Variants in ASTN1 observed in about 807,000 individuals in gnomAD.
ASTN1 encodes the protein astrotactin 1.
A neutral mutation model predicts 140.7 loss-of-function variants in ASTN1; 41 were observed. The observed-to-expected ratio is 0.29, with a 90% CI of 0.23 to 0.38. The LOEUF (loss-of-function observed/expected upper bound fraction) is 0.38, where lower values mean the gene tolerates loss of function less well. Among genes scored for constraint, ASTN1 ranks in the 10% least tolerant of loss-of-function variants. The pLI is 1.00. For synonymous variants in ASTN1, 640 were observed against 652.2 expected (o/e 0.98, Z 0.29); for missense variants, 1,479 against 1,678.8 (o/e 0.88, Z 2.08).
chr1:177,141,627 A>G (rs998287325), intron 1 of ASTN1, among the ~76,000 whole-genome samples: 2 of 152,194 alleles, frequency 1.3e-5, no homozygotes, highest in East Asian at 1.9e-4. Flanking sequence ...ATTTGGAGAC[A>G]TAAGTTTAGT....
chr1:176,933,415 A>T (rs1671291525), intron 16 of ASTN1, among the ~76,000 whole-genome samples: 1 of 152,242 alleles, frequency 6.6e-6, no homozygotes, highest in Non-Finnish European at 1.5e-5. Context: ...TGGCCTCATC[A>T]GAATGCCATG....
At chr1:176,893,897 G>C (rs943536544) in intron 17 of ASTN1, among the ~76,000 whole-genome samples, 1 of 152,204 alleles carries the variant, frequency 6.6e-6, no homozygotes, top group Non-Finnish European at 1.5e-5. Flanking sequence ...CAGTTCTCCA[G>C]CCCTTCTTTT....
At chr1:176,961,853 G>A (rs1168131346) in intron 9 of ASTN1, among the ~76,000 whole-genome samples, 7 of 152,058 alleles carry the variant, frequency 4.6e-5, no homozygotes, top group East Asian at 1.9e-4. Flanking sequence ...TTCCCAACTC[G>A]GGCCTTCTCT....
At chr1:177,038,134 C>A (rs896757497) in intron 2 of ASTN1, among the ~76,000 whole-genome samples, 2 of 152,168 alleles carry the variant, frequency 1.3e-5, no homozygotes, top group African/African-American at 4.8e-5. Context: ...ATTATCTGAC[C>A]TGTATATTCA....
intron 21 of ASTN1, among the ~76,000 whole-genome samples, chr1:176,875,487 T>G (rs774098941): frequency 2.0e-5 from 3 of 152,238 alleles, no homozygotes; most frequent in Non-Finnish European, 4.4e-5. Context: ...AGATTAAAGA[T>G]GAAAATCTTT....
At chr1:177,099,785 A>C (rs1011931313) in intron 1 of ASTN1, among the ~76,000 whole-genome samples, 6 of 152,202 alleles carry the variant, frequency 3.9e-5, no homozygotes, top group African/African-American at 1.4e-4. Context: ...CATCTTGTTT[A>C]TCTAAGAAGG....
intron 21 of ASTN1, among the ~76,000 whole-genome samples, chr1:176,875,799 GA>G (rs2103018894): frequency 6.6e-6 from 1 of 152,336 alleles, no homozygotes; most frequent in Non-Finnish European, 1.5e-5. Context: ...ATTAGTGGTT[GA>G]TAAGATTACT....
At chr1:177,007,470 T>C (rs960545530) in intron 8 of ASTN1, among the ~76,000 whole-genome samples, 1 of 152,190 alleles carries the variant, frequency 6.6e-6, no homozygotes, top group Admixed American at 6.5e-5. Context: ...TTATTTTCAT[T>C]GGAAAAAGTT....
Position 177,151,426 on chromosome 1 carries a change from TA to T in ASTN1, c.283+12967del, listed in dbSNP as rs749659942. On this transcript the variant is annotated intron_variant, in intron 1 of 22. Transcript: ENST00000361833. ...GTGTGCAACTTTTGCCTTACTTTCT[TA>T]AAAAAAAAAAAAGAGAGAGAGAAAG... Among the ~76,000 whole-genome samples, 625 of 140,988 alleles carry T rather than the reference TA, an allele frequency of 4.4e-3. 2 individuals are homozygous for T. Among genetic ancestry groups the T allele is most frequent in the African/African-American group, 9.3e-3 (359 of 38,644 alleles). The allele number at this position is 140,988 out of a possible 152,430, so 92.5% of individuals were successfully genotyped here.
At chr1:177,151,305 A>C (rs944689559) in intron 1 of ASTN1, among the ~76,000 whole-genome samples, 14 of 152,150 alleles carry the variant, frequency 9.2e-5, no homozygotes, top group African/African-American at 3.4e-4. Context: ...AGTTGAGCAC[A>C]TGACTACCCA....
intron 8 of ASTN1, among the ~76,000 whole-genome samples, chr1:176,980,090 TAGGTATGACCATAAAAGC>T (rs1673543658): frequency 6.6e-6 from 1 of 152,194 alleles, no homozygotes; most frequent in Non-Finnish European, 1.5e-5. Context: ...AGAGGATGTG[TAGGTATGACCATAAAAGC>T]AAGAAGTGGC....
rs1431621938 is a variant in ASTN1, at chr1:177,159,335, A to G, written c.283+5059T>C. ...ACCTTAGGATTGCTAGCATTCATCT[A>G]CTATGTCTTGGATAGGGCTGCCAAT... On this transcript the variant is annotated intron_variant, in intron 1 of 22. Transcript: ENST00000361833. 2.6e-5 allele frequency among the ~76,000 whole-genome samples: 4 copies of G among 152,180 alleles called. No homozygotes were observed. In the South Asian group the frequency reaches 6.2e-4, roughly 24 times the overall value.
At chr1:176,960,235 A>G (rs113527979) in intron 9 of ASTN1, among the ~76,000 whole-genome samples, 3 of 152,210 alleles carry the variant, frequency 2.0e-5, no homozygotes, top group African/African-American at 4.8e-5. Context: ...TAGAAACATC[A>G]TTATAACAGG....
intron 1 of ASTN1, among the ~76,000 whole-genome samples, chr1:177,077,250 A>G (rs923720350): frequency 2.0e-5 from 3 of 152,014 alleles, no homozygotes; most frequent in Admixed American, 1.3e-4. Context: ...CCTCCTTCCC[A>G]GTACTGGCTT....
chr1:176,919,563 A>G (rs1670643285), intron 16 of ASTN1, among the ~76,000 whole-genome samples: 1 of 152,210 alleles, frequency 6.6e-6, no homozygotes, highest in South Asian at 2.1e-4. Context: ...GTTGAATATG[A>G]ACCCACTGTG....
Position 177,080,121 on chromosome 1 carries a change from A to T in ASTN1, c.284-18856T>A, listed in dbSNP as rs564514797. Among the ~76,000 whole-genome samples, 7 of 152,118 alleles carry T rather than the reference A, an allele frequency of 4.6e-5. No individual in the cohort carries two copies. The South Asian group carries it at 1.5e-3, about 32-fold the overall frequency. ...TGCTTAAGCAACAATGTCAATTTTC[A>T]CCTTGGATTTATTAAACTAGGGAAA... On this transcript the variant is annotated intron_variant, in intron 1 of 22. Transcript: ENST00000361833.
At chr1:176,909,112 AG>A (rs1468014796) in intron 16 of ASTN1, among the ~76,000 whole-genome samples, 2 of 152,218 alleles carry the variant, frequency 1.3e-5, no homozygotes, top group Non-Finnish European at 2.9e-5. Flanking sequence ...CACCCAGTCC[AG>A]GTCTCTGACA....
At chr1:177,093,483 T>C (rs2102109774) in intron 1 of ASTN1, among the ~76,000 whole-genome samples, 1 of 152,236 alleles carries the variant, frequency 6.6e-6, no homozygotes, top group Non-Finnish European at 1.5e-5. Flanking sequence ...TAAAAAAAAT[T>C]GCAAAATTCT....
chr1:176,917,143 C>T lies in ASTN1; in HGVS notation c.2671+17009G>A, dbSNP rs1670521416. On this transcript the variant is annotated intron_variant, in intron 16 of 22. Coordinates refer to ENST00000361833, the MANE Select transcript of ASTN1 (RefSeq NM_004319.3). ...GAGCCTCCTCTTTGGTGCTTCCTTT[C>T]CTCAGGTCTCTGGTAGCCCCTGTCA... 3.3e-5 allele frequency among the ~76,000 whole-genome samples: 5 copies of T among 152,336 alleles called. No homozygotes were observed. In the South Asian group the frequency reaches 1.0e-3, roughly 32 times the overall value.
Sources: allele counts gnomAD v4.1 joint callset (sites outside exome capture counted in the v4.1 genomes callset), GRCh38; gene constraint gnomAD v4.1.1; transcripts MANE v1.5; gene names NCBI Gene and HGNC (gene_info 2026-07-23, HGNC 2026-07-21).